Variants in IRF8 observed in about 807,000 individuals in gnomAD.
IRF8 encodes interferon consensus sequence binding protein 1.
IRF8 carries 14 observed loss-of-function variants against 48.7 expected under a neutral mutation model. That is an observed-to-expected ratio of 0.29 (90% CI 0.19 to 0.45). The LOEUF is 0.45. Ranked by LOEUF, IRF8 falls within the 20% of genes least tolerant of loss-of-function variation. The pLI is 1.00. For synonymous variants in IRF8, 278 were observed against 227.3 expected, an observed-to-expected ratio of 1.22 and a Z score of -2.01; for missense variants, 493 against 580.7, an observed-to-expected ratio of 0.85 and a Z score of 1.55.
intron 5 of IRF8, chr16:85,913,841 G>A (rs1905216903): frequency 5.8e-6 from 1 of 171,076 alleles, no homozygotes; most frequent in African/African-American, 2.4e-5. Context: ...TTCATCCTTT[G>A]ATTCTCTTTT....
At chr16:85,910,975 G>T (rs1175064029) in intron 3 of IRF8, among the ~76,000 whole-genome samples, 2 of 152,178 alleles carry the variant, frequency 1.3e-5, no homozygotes, top group African/African-American at 4.8e-5. Context: ...AAGAGCAGAG[G>T]CTGGCCCAGC....
At chr16:85,902,994 G>C in intron 1 of IRF8, 21 bp from the exon 2 acceptor site, 1 of 1,613,652 alleles carries the variant, frequency 6.2e-7, no homozygotes, top group African/African-American at 1.3e-5. Context: ...ATATCACAGC[G>C]TGTATTTCTG....
intron 5 of IRF8, 51 bp from the exon 6 acceptor site, chr16:85,914,422 T>G: frequency 6.2e-7 from 1 of 1,612,346 alleles, no homozygotes; most frequent in Non-Finnish European, 8.5e-7. Context: ...GGTTACTCCC[T>G]GTACACCACA....
At chr16:85,903,460 C>T (rs1048236712) in intron 2 of IRF8, 15 of 455,298 alleles carry the variant, frequency 3.3e-5, no homozygotes, top group Admixed American at 7.0e-5. Flanking sequence ...GCTTCCTTTT[C>T]CTGATGAGCC....
At chr16:85,914,632 C>T in intron 6 of IRF8, 112 bp downstream of exon 6, 1 of 1,238,964 alleles carries the variant, frequency 8.1e-7, no homozygotes, top group Non-Finnish European at 1.2e-6. Context: ...GTGTGGAAGT[C>T]TAGGCCTGGT....
intron 6 of IRF8, among the ~76,000 whole-genome samples, chr16:85,916,579 C>T (rs993186781): frequency 2.0e-5 from 3 of 152,168 alleles, no homozygotes; most frequent in African/African-American, 7.2e-5. Flanking sequence ...TAAGACACTC[C>T]TGCTTAGGCG....
At position 85,921,122 on chromosome 16, in the gene IRF8, T is replaced by C. The variant is rs749812274; in HGVS notation, c.1121T>C (p.Val374Ala). Residue 374 changes from valine to alanine, a missense_variant, in exon 9 of 9, where the codon GTC becomes GCC. Coordinates refer to ENST00000268638, the MANE Select transcript of IRF8 (RefSeq NM_002163.4). ...CCCATCTAGATTGAGCAGCTGTATGTCCGGCAACTGGCAGAAGAGGCTGGG... is the reference window on the plus strand; with the variant it reads ...CCCATCTAGATTGAGCAGCTGTATGCCCGGCAACTGGCAGAAGAGGCTGGG... Reference protein sequence around the residue: ...LILVQIEQLYVRQLAEEAGKS... With the variant: ...LILVQIEQLYARQLAEEAGKS... The C allele has an allele frequency of 6.2e-7, 1 of 1,613,688 alleles. No individual in the cohort carries two copies. Among genetic ancestry groups the C allele is most frequent in the Non-Finnish European group, 8.5e-7 (1 of 1,179,826 alleles).
At position 85,921,455 on chromosome 16, in the gene IRF8, G is replaced by A. The variant is rs1010454721; in HGVS notation, c.*173G>A. The A allele has an allele frequency of 1.9e-5, 14 of 722,600 alleles. No homozygotes were observed. The highest frequency in any genetic ancestry group is 3.3e-4 in the Middle Eastern group (1 of 3,032). 44.8% of individuals were successfully genotyped at this position (722,600 alleles called of 1,614,324 possible). ...GAGTAGACGTTTAATACGAAGTGGCGGCATAGCCCTGCCGAGATGTCGGTG... is the reference window on the plus strand; with the variant it reads ...GAGTAGACGTTTAATACGAAGTGGCAGCATAGCCCTGCCGAGATGTCGGTG... On this transcript the variant is annotated 3_prime_UTR_variant, in exon 9 of 9. Coordinates refer to ENST00000268638, the MANE Select transcript of IRF8 (RefSeq NM_002163.4).
At chr16:85,915,524 C>T (rs1043070066) in intron 6 of IRF8, among the ~76,000 whole-genome samples, 5 of 152,222 alleles carry the variant, frequency 3.3e-5, no homozygotes, top group African/African-American at 1.2e-4. Context: ...GCCCTTTGAG[C>T]TGGGGGGTTG....
intron 2 of IRF8, among the ~76,000 whole-genome samples, chr16:85,904,406 C>T (rs1021028011): frequency 1.5e-4 from 23 of 152,140 alleles, no homozygotes; most frequent in Non-Finnish European, 1.6e-4. Flanking sequence ...ATGACTGTCC[C>T]CTGACACCAG....
In IRF8 at chr16:85,921,120, T is replaced by C. The variant is rs775854818; in HGVS notation, c.1119T>C (p.Tyr373=). Residue 373 remains tyrosine (Y), a synonymous_variant, in exon 9 of 9, where the codon TAT becomes TAC. Transcript: ENST00000268638. ...KLILVQIEQL[Y]VRQLAEEAGK... Reference sequence around the variant, plus strand: ...CTCCCATCTAGATTGAGCAGCTGTATGTCCGGCAACTGGCAGAAGAGGCTG... The same window carrying C: ...CTCCCATCTAGATTGAGCAGCTGTACGTCCGGCAACTGGCAGAAGAGGCTG... The C allele has an allele frequency of 3.1e-6, 5 of 1,613,664 alleles. No homozygotes were observed. In the South Asian group the frequency reaches 3.3e-5, roughly 11 times the overall value.
Position 85,921,338 on chromosome 16 carries a change from A to G in IRF8, c.*56A>G, listed in dbSNP as rs1302576533. 4 of 1,548,222 alleles carry G rather than the reference A, an allele frequency of 2.6e-6. No homozygotes were observed. The highest frequency in any genetic ancestry group is 2.7e-6 in the Non-Finnish European group (3 of 1,127,070). On this transcript the variant is annotated 3_prime_UTR_variant, in exon 9 of 9. Transcript: ENST00000268638. ...CGTCCTGCATCCATCTCCCTGTTAC[A>G]GTGGCCCGCATCATGATTAAAGAAT... is the stretch of plus-strand genomic sequence containing the variant.
At chr16:85,910,702 C>T (rs1567472905) in intron 3 of IRF8, among the ~76,000 whole-genome samples, 1 of 152,200 alleles carries the variant, frequency 6.6e-6, no homozygotes, top group African/African-American at 2.4e-5. Flanking sequence ...TAATTGCCTA[C>T]AGGGGCCCAC....
intron 6 of IRF8, among the ~76,000 whole-genome samples, chr16:85,917,619 C>G (rs1325926796): frequency 3.3e-5 from 5 of 152,220 alleles, no homozygotes; most frequent in Non-Finnish European, 7.3e-5. Context: ...GTCTTGACCT[C>G]TGACAATGCC....
chr16:85,904,729 A>G (rs937651996), intron 2 of IRF8, among the ~76,000 whole-genome samples: 2 of 151,316 alleles, frequency 1.3e-5, no homozygotes, highest in Non-Finnish European at 2.9e-5. Context: ...AGGGAGCCTC[A>G]GCACCAAGAA....
rs142267779 is a variant in IRF8, at chr16:85,918,539, T to C, written c.724T>C (p.Tyr242His). 3.1e-3 allele frequency: 4,949 copies of C among 1,602,264 alleles called. 9 individuals are homozygous for C. Among genetic ancestry groups the C allele is most frequent in the Non-Finnish European group, 4.0e-3 (4,721 of 1,178,900 alleles). ...GCCTGGGCTGCCCGGCACCAAGCTG[T>C]ATGGGCCCGAGGGCCTGGAGCTGGT... Reference protein sequence around the residue: ...SQPGLPGTKLYGPEGLELVRF... With the variant: ...SQPGLPGTKLHGPEGLELVRF... The change falls in exon 7 of 9, where the codon TAT (tyrosine) becomes CAT (histidine). Residue 242 changes from tyrosine (Y) to histidine (H), a missense_variant. Coordinates refer to ENST00000268638, the MANE Select transcript of IRF8 (RefSeq NM_002163.4).
At chr16:85,917,337 T>C (rs1219723894) in intron 6 of IRF8, among the ~76,000 whole-genome samples, 1 of 152,254 alleles carries the variant, frequency 6.6e-6, no homozygotes, top group Non-Finnish European at 1.5e-5. Flanking sequence ...GATACCTCCC[T>C]GCATTTACAT....
At chr16:85,914,226 G>T (rs1905228537) in intron 5 of IRF8, 1 of 553,370 alleles carries the variant, frequency 1.8e-6, no homozygotes, top group Non-Finnish European at 3.3e-6. Flanking sequence ...ATTGACACAT[G>T]GTCAGAAATC....
chr16:85,908,260 C>G (rs974342364), intron 2 of IRF8, among the ~76,000 whole-genome samples: 1 of 152,210 alleles, frequency 6.6e-6, no homozygotes, highest in Admixed American at 6.5e-5. Context: ...AGCTTAAAAT[C>G]TGTCCATTCA....
Sources: gnomAD v4.1 joint callset for allele counts (sites outside exome capture counted in the v4.1 genomes callset) on GRCh38, gnomAD v4.1.1 for gene constraint, MANE v1.5 for transcripts, NCBI Gene and HGNC (gene_info 2026-07-23, HGNC 2026-07-21) for gene names.